The following WDR70 variants were observed in gnomAD, a reference collection of about 807,000 sequenced individuals.
The protein encoded by WDR70 is WD repeat domain 70.
Under a neutral mutation model 88.6 loss-of-function variants are expected in WDR70, and 53 were observed. The ratio of observed to expected loss-of-function variants is 0.60; its 90% CI spans 0.48 to 0.75. The LOEUF (loss-of-function observed/expected upper bound fraction) is 0.75. Among genes scored for constraint, WDR70 ranks in the 30% least tolerant of loss-of-function variants. The pLI is 0.00. For missense variants in WDR70, 610 were observed against 823.2 expected, an observed-to-expected ratio of 0.74 and a Z score of 3.17; for synonymous variants, 280 against 270.0, an observed-to-expected ratio of 1.04 and a Z score of -0.36.
rs1419156265 is a variant in WDR70, at chr5:37,433,010, TATTG to T, written c.493-4908_493-4905del. ...TTCTCTGTAGATTGTCTTTTTACTG[TATTG>T]ATTATCTCTTTTGATGCCCAGAACA... On this transcript the variant is annotated intron_variant, in intron 5 of 17. Transcript: ENST00000265107. Among the ~76,000 whole-genome samples the T allele has an allele frequency of 2.6e-5, 4 of 152,326 alleles. No individual in the cohort carries two copies. The East Asian group carries it at 7.7e-4, about 29-fold the overall frequency.
At chr5:37,395,264 A>G (rs1272400825) in intron 4 of WDR70, among the ~76,000 whole-genome samples, 1 of 152,154 alleles carries the variant, frequency 6.6e-6, no homozygotes, top group Non-Finnish European at 1.5e-5. Flanking sequence ...AATAGTCCTC[A>G]GGTGTGGTGG....
chr5:37,692,716 CAAATT>C (rs1275049629), intron 10 of WDR70, among the ~76,000 whole-genome samples: 1 of 152,168 alleles, frequency 6.6e-6, no homozygotes, highest in African/African-American at 2.4e-5. Context: ...GAACATGTCT[CAAATT>C]AATAAGAGCT....
At chr5:37,421,186 T>A (rs1165057785) in intron 5 of WDR70, among the ~76,000 whole-genome samples, 1 of 152,170 alleles carries the variant, frequency 6.6e-6, no homozygotes, top group East Asian at 1.9e-4. Context: ...GGGAAGCTAC[T>A]CCAGAATCCA....
At chr5:37,579,411 C>G (rs1318475044) in intron 9 of WDR70, among the ~76,000 whole-genome samples, 4 of 151,854 alleles carry the variant, frequency 2.6e-5, no homozygotes, top group East Asian at 3.9e-4. Context: ...TGGTGAAACC[C>G]CGTCTCTACT....
At chr5:37,473,343 CT>C (rs70978821) in intron 7 of WDR70, among the ~76,000 whole-genome samples, 67,086 of 116,964 alleles carry the variant, frequency 0.57, 20,128 homozygotes, top group East Asian at 0.81. Flanking sequence ...TATTCATATT[CT>C]TTTTTTTTTT....
intron 17 of WDR70, 115 bp downstream of exon 17, chr5:37,727,160 T>A (rs777820432): frequency 2.5e-5 from 33 of 1,295,502 alleles, no homozygotes; most frequent in Non-Finnish European, 3.2e-5. Flanking sequence ...TACTTAGATA[T>A]GAAAAATAGG....
At chr5:37,614,743 T>C (rs910128650) in intron 10 of WDR70, among the ~76,000 whole-genome samples, 1 of 152,202 alleles carries the variant, frequency 6.6e-6, no homozygotes, top group Non-Finnish European at 1.5e-5. Context: ...TTGACCCCTG[T>C]CATATAGTTT....
chr5:37,525,308 A>G (rs1430024443), intron 9 of WDR70, among the ~76,000 whole-genome samples: 1 of 152,188 alleles, frequency 6.6e-6, no homozygotes, highest in Non-Finnish European at 1.5e-5. Context: ...TCAAACTAGA[A>G]CTCAGGATTA....
intron 10 of WDR70, among the ~76,000 whole-genome samples, chr5:37,651,769 T>C (rs909992967): frequency 2.0e-5 from 3 of 152,214 alleles, no homozygotes; most frequent in African/African-American, 7.2e-5. Context: ...TTGAGAAGTG[T>C]CTGTTCATAT....
chr5:37,675,424 A>G lies in WDR70; in HGVS notation c.1093-22231A>G, dbSNP rs1055844223. Among the ~76,000 whole-genome samples the G allele has an allele frequency of 1.4e-3, 206 of 152,218 alleles. 1 individual carries two copies. The highest frequency in any genetic ancestry group is 2.6e-4 in the Non-Finnish European group (18 of 68,030). On this transcript the variant is annotated intron_variant, in intron 10 of 17. Coordinates refer to ENST00000265107, the MANE Select transcript of WDR70 (RefSeq NM_018034.4). ...TTAATTTTTGTATAAGGTGTAAGGA[A>G]GGGATCCAGTTTCAGCTTTCTACAT...
At chr5:37,522,174 T>G (rs1741114640) in intron 9 of WDR70, among the ~76,000 whole-genome samples, 1 of 152,156 alleles carries the variant, frequency 6.6e-6, no homozygotes, top group Non-Finnish European at 1.5e-5. Context: ...TATCTTCTTT[T>G]AAGAATTGTC....
chr5:37,702,251 A>G (rs73751118), intron 12 of WDR70, among the ~76,000 whole-genome samples: 3,229 of 152,328 alleles, frequency 0.021, 129 homozygotes, highest in African/African-American at 0.073. Flanking sequence ...TTGAGCTATT[A>G]TACCTGCTAC....
At chr5:37,725,599 T>C (rs6895957) in intron 16 of WDR70, among the ~76,000 whole-genome samples, 7 of 152,148 alleles carry the variant, frequency 4.6e-5, no homozygotes, top group African/African-American at 1.4e-4. Context: ...TCATTTTCTG[T>C]TATCATCTGT....
intron 7 of WDR70, among the ~76,000 whole-genome samples, chr5:37,471,079 G>A (rs369546771): frequency 2.6e-5 from 4 of 151,918 alleles, no homozygotes; most frequent in African/African-American, 9.7e-5. Context: ...TTAGGGTTTT[G>A]CCATGTTGGC....
At chr5:37,391,954 T>G in intron 3 of WDR70, 46 bp from the exon 4 acceptor site, 1 of 1,574,508 alleles carries the variant, frequency 6.4e-7, no homozygotes, top group Non-Finnish European at 8.6e-7. Flanking sequence ...TATTTTGAAT[T>G]GTAACCGTTG....
chr5:37,524,918 A>C (rs923112772), intron 9 of WDR70, among the ~76,000 whole-genome samples: 4 of 152,242 alleles, frequency 2.6e-5, no homozygotes, highest in African/African-American at 9.6e-5. Context: ...CAATTCAACA[A>C]GGAGAGCTAA....
intron 7 of WDR70, among the ~76,000 whole-genome samples, chr5:37,449,990 A>G (rs1396097110): frequency 6.6e-6 from 1 of 152,114 alleles, no homozygotes; most frequent in Non-Finnish European, 1.5e-5. Context: ...GAGTGAGAAC[A>G]TGTGGTGTTT....
intron 9 of WDR70, among the ~76,000 whole-genome samples, chr5:37,591,188 C>T (rs1743523034): frequency 1.3e-5 from 2 of 152,014 alleles, no homozygotes; most frequent in African/African-American, 4.8e-5. Context: ...CAAAAGTTAG[C>T]CAGGCATAGT....
Position 37,752,852 on chromosome 5 carries a change from T to A in WDR70, c.*279T>A. On this transcript the variant is annotated 3_prime_UTR_variant, in exon 18 of 18. Coordinates refer to ENST00000265107, the MANE Select transcript of WDR70 (RefSeq NM_018034.4). ...GGAAACTTTATTCAACAATTATTGGTCTTGTCCAGATTCTCATAACCTTAG... is the reference window on the plus strand; with the variant it reads ...GGAAACTTTATTCAACAATTATTGGACTTGTCCAGATTCTCATAACCTTAG... 7.1e-6 allele frequency: 2 copies of A among 283,454 alleles called. No homozygotes were observed. Among genetic ancestry groups the A allele is most frequent in the South Asian group, 1.2e-4 (2 of 16,432 alleles). The allele number at this position is 283,454 out of a possible 1,614,324, so 17.6% of individuals were successfully genotyped here.
Sources: allele counts gnomAD v4.1 joint callset (sites outside exome capture counted in the v4.1 genomes callset), GRCh38; gene constraint gnomAD v4.1.1; transcripts MANE v1.5; gene names NCBI Gene and HGNC (gene_info 2026-07-23, HGNC 2026-07-21).